The following PCDHGA5 variants were observed in gnomAD, a reference collection of about 807,000 sequenced individuals.
PCDHGA5 encodes the protein protocadherin gamma subfamily A, 5.
PCDHGA5 carries 36 observed loss-of-function variants against 56.7 expected under a neutral mutation model. The observed-to-expected ratio is 0.64, with a 90% CI of 0.49 to 0.84. The LOEUF is 0.84. Ranked by LOEUF, PCDHGA5 falls within the 40% of genes least tolerant of loss-of-function variation. PCDHGA5 has a pLI of 0.00. For missense variants in PCDHGA5, 1,305 were observed against 1,201.5 expected (o/e 1.09, Z -1.27); for synonymous variants, 563 against 520.2 (o/e 1.08, Z -1.12).
At chr5:141,409,589 G>A (rs1487343349) in intron 1 of PCDHGA5, 12 of 1,613,758 alleles carry the variant, frequency 7.4e-6, no homozygotes, top group East Asian at 4.5e-5. Flanking sequence ...CCACGTGGCC[G>A]AGAACAACCC....
Position 141,511,628 on chromosome 5 carries a change from G to C in PCDHGA5, c.*455G>C, listed in dbSNP as rs4912608. 0.2 allele frequency: 46,780 copies of C among 231,598 alleles called. 5,185 individuals are homozygous for C. The highest frequency in any genetic ancestry group is 0.32 in the Admixed American group (6,204 of 19,590). The allele number at this position is 231,598 out of a possible 1,614,324, so 14.3% of individuals were successfully genotyped here. A position where few individuals can be genotyped will look rare whatever the true frequency, so the allele number is the denominator to read the frequency against. On this transcript the variant is annotated 3_prime_UTR_variant, in exon 4 of 4. Transcript: ENST00000518069. ...CAAGCCTCCTAGTTCTGAAAAGTTG[G>C]AAGGGCATCATGACCTCTTGGCCTC...
chr5:141,399,538 T>G, intron 1 of PCDHGA5: 1 of 1,614,048 alleles, frequency 6.2e-7, no homozygotes, highest in Non-Finnish European at 8.5e-7. Context: ...CGCGCAAGTC[T>G]GCGCCTCGGA....
chr5:141,423,330 C>T (rs932335651), intron 1 of PCDHGA5: 2 of 1,614,174 alleles, frequency 1.2e-6, no homozygotes, highest in Non-Finnish European at 1.7e-6. Flanking sequence ...TGGCCGCAGT[C>T]TCCTGCATCT....
chr5:141,386,098 G>A (rs1384243905), intron 1 of PCDHGA5: 3 of 152,228 alleles, frequency 2.0e-5, no homozygotes, highest in Non-Finnish European at 4.4e-5. Flanking sequence ...GATGAAGTGT[G>A]TCTGTGGGCT....
intron 1 of PCDHGA5, chr5:141,479,563 G>A (rs1469231382): frequency 2.6e-5 from 4 of 152,206 alleles, no homozygotes; most frequent in Admixed American, 2.0e-4. Context: ...ATCCAGTAGT[G>A]GGATGACATC....
chr5:141,429,390 A>ATT (rs1561841316), intron 1 of PCDHGA5, among the ~76,000 whole-genome samples: 8 of 150,216 alleles, frequency 5.3e-5, no homozygotes, highest in African/African-American at 1.7e-4. Flanking sequence ...TTTTTTTTAA[A>ATT]AAAAATTGAG....
chr5:141,415,177 G>C, intron 1 of PCDHGA5: 3 of 1,613,926 alleles, frequency 1.9e-6, no homozygotes, highest in Non-Finnish European at 2.5e-6. Context: ...CACCGTGGCC[G>C]TGGCCGACAG....
intron 1 of PCDHGA5, among the ~76,000 whole-genome samples, chr5:141,433,853 A>C (rs934981508): frequency 1.3e-5 from 2 of 151,912 alleles, no homozygotes; most frequent in African/African-American, 2.4e-5. Context: ...AAAAAAAAAA[A>C]AACTTTATCC....
intron 1 of PCDHGA5, chr5:141,409,054 T>TA: frequency 6.2e-7 from 1 of 1,614,028 alleles, no homozygotes; most frequent in African/African-American, 1.3e-5. Flanking sequence ...TCCGAAGCAC[T>TA]GCCCAGAGCA....
intron 1 of PCDHGA5, chr5:141,419,776 C>T (rs965350189): frequency 1.2e-6 from 2 of 1,614,026 alleles, no homozygotes; most frequent in Admixed American, 1.7e-5. Context: ...ACTCGGTCCG[C>T]CAGCGCCTGC....
chr5:141,488,113 T>C (rs1053996929), intron 1 of PCDHGA5, among the ~76,000 whole-genome samples: 1 of 152,084 alleles, frequency 6.6e-6, no homozygotes, highest in African/African-American at 2.4e-5. Flanking sequence ...ATTTGAAACA[T>C]AGAGACAGCA....
rs2099413641 is a variant in PCDHGA5, at chr5:141,477,586, T to C, written c.2422-17221T>C. The C allele has an allele frequency of 1.9e-6, 3 of 1,614,022 alleles. No individual in the cohort carries two copies. The highest frequency in any genetic ancestry group is 2.5e-6 in the Non-Finnish European group (3 of 1,180,036). On this transcript the variant is annotated intron_variant, in intron 1 of 3. Transcript: ENST00000518069. This position sits in a 1 kb window ranked among gnomAD's most constrained non-coding sequence, Gnocchi z 4.9. ...GGGACCCCGACGCCCCGCAGAATGC[T>C]CGGCTTTCTTTCTTTCTCTTGGAGC... is the stretch of plus-strand genomic sequence containing the variant.
At position 141,366,416 on chromosome 5, in the gene PCDHGA5, G is replaced by A. The variant is rs767881897; in HGVS notation, c.2086G>A (p.Ala696Thr). The A allele has an allele frequency of 6.2e-7, 1 of 1,614,000 alleles. No individual in the cohort carries two copies. Among genetic ancestry groups the A allele is most frequent in the African/African-American group, 1.3e-5 (1 of 74,956 alleles). The change falls in exon 1 of 4, where the codon GCA becomes ACA. Residue 696 changes from alanine (A) to threonine (T), a missense_variant. Ala to Thr is a moderately conservative substitution (Grantham distance 58). Coordinates refer to ENST00000518069, the MANE Select transcript of PCDHGA5 (RefSeq NM_018918.3). ...GGACCTCACACTCTATCTTGTGGTGGCAGTGGCTGCAGTCTCCTGCGTCTT... is the reference window on the plus strand; with the variant it reads ...GGACCTCACACTCTATCTTGTGGTGACAGTGGCTGCAGTCTCCTGCGTCTT... Reference protein sequence around the residue: ...DLDLTLYLVVAVAAVSCVFLA... With the variant: ...DLDLTLYLVVTVAAVSCVFLA...
At chr5:141,447,011 C>T (rs1213312322) in intron 1 of PCDHGA5, among the ~76,000 whole-genome samples, 1 of 143,918 alleles carries the variant, frequency 6.9e-6, no homozygotes. Flanking sequence ...TCCTAGTGTT[C>T]AGTTTTGTTT....
intron 1 of PCDHGA5, among the ~76,000 whole-genome samples, chr5:141,450,829 ATTT>A (rs373424450): frequency 7.4e-6 from 1 of 135,126 alleles, no homozygotes; most frequent in African/African-American, 2.7e-5. Flanking sequence ...TATTATTATT[ATTT>A]TTTTTTTTTT....
chr5:141,384,547 C>T (rs1780195966), intron 1 of PCDHGA5: 15 of 1,614,252 alleles, frequency 9.3e-6, no homozygotes, highest in Non-Finnish European at 1.3e-5. Flanking sequence ...GTCACTGAGC[C>T]TGTTCGTGCT....
intron 1 of PCDHGA5, among the ~76,000 whole-genome samples, chr5:141,464,912 T>A (rs1303305860): frequency 2.6e-5 from 4 of 152,092 alleles, no homozygotes; most frequent in Non-Finnish European, 5.9e-5. Context: ...CTAATTTTTT[T>A]ATTTTTTTGT....
At chr5:141,403,452 T>C (rs1482278011) in intron 1 of PCDHGA5, 15 of 1,613,988 alleles carry the variant, frequency 9.3e-6, no homozygotes, top group Non-Finnish European at 1.3e-5. Flanking sequence ...GTGAACTCCC[T>C]CCAGAGCTAC....
chr5:141,380,273 G>A (rs1174536963), intron 1 of PCDHGA5, among the ~76,000 whole-genome samples: 1 of 152,076 alleles, frequency 6.6e-6, no homozygotes, highest in Admixed American at 6.6e-5. Context: ...AAATCTCAGA[G>A]GAGAAACATT....
Sources: gnomAD v4.1 joint callset for allele counts (sites outside exome capture counted in the v4.1 genomes callset) on GRCh38, gnomAD v4.1.1 for gene constraint, Gnocchi (gnomAD v3.1) non-coding constraint, MANE v1.5 for transcripts, NCBI Gene and HGNC (gene_info 2026-07-23, HGNC 2026-07-21) for gene names.